The following FRMD4B variants were observed in gnomAD, a reference collection of about 807,000 sequenced individuals.
FRMD4B encodes FERM domain-containing protein 4B.
FRMD4B carries 74 observed loss-of-function variants against 141.5 expected under a neutral mutation model. That is an observed-to-expected ratio of 0.52 (90% CI 0.43 to 0.63). The LOEUF (loss-of-function observed/expected upper bound fraction) is 0.63, where lower values mean the gene tolerates loss of function less well. Ranked by LOEUF, FRMD4B falls within the 30% of genes least tolerant of loss-of-function variation. The pLI, the probability that FRMD4B is intolerant of heterozygous loss-of-function variation, is 0.00. For missense variants in FRMD4B, 1,366 were observed against 1,253.4 expected (o/e 1.09, Z -1.36); for synonymous variants, 506 against 467.9 (o/e 1.08, Z -1.05).
At chr3:69,305,419 A>G (rs1292131400) in intron 3 of FRMD4B, among the ~76,000 whole-genome samples, 1 of 152,262 alleles carries the variant, frequency 6.6e-6, no homozygotes, top group Non-Finnish European at 1.5e-5. Context: ...GTAAAACAAA[A>G]TAAGATAGGA....
At chr3:69,540,707 T>G (rs1344992482) in intron 1 of FRMD4B, among the ~76,000 whole-genome samples, 3 of 146,534 alleles carry the variant, frequency 2.0e-5, no homozygotes, top group Non-Finnish European at 4.5e-5. Flanking sequence ...GTTATTGTTA[T>G]TGTTATTATT....
intron 2 of FRMD4B, among the ~76,000 whole-genome samples, chr3:69,397,406 A>G (rs892433550): frequency 6.6e-6 from 1 of 152,176 alleles, no homozygotes; most frequent in East Asian, 1.9e-4. Flanking sequence ...GATAATGGGG[A>G]TAGTTGTGCA....
intron 1 of FRMD4B, among the ~76,000 whole-genome samples, chr3:69,520,514 G>A (rs1270875522): frequency 6.6e-6 from 1 of 151,388 alleles, no homozygotes; most frequent in African/African-American, 2.4e-5. Flanking sequence ...GCTACTCCCT[G>A]CCTCAGCTAT....
chr3:69,277,532 TTTTTTTTTTTTG>T (rs2093623479), intron 5 of FRMD4B, among the ~76,000 whole-genome samples: 1 of 135,162 alleles, frequency 7.4e-6, no homozygotes. Flanking sequence ...TTTTTTTTTT[TTTTTTTTTTTTG>T]AGATGGAGTG....
chr3:69,492,099 G>C (rs1315015025), intron 1 of FRMD4B, among the ~76,000 whole-genome samples: 1 of 152,146 alleles, frequency 6.6e-6, no homozygotes, highest in Non-Finnish European at 1.5e-5. Context: ...AGCTGAACCT[G>C]GCAATCAAGA....
chr3:69,387,666 G>T (rs572223279), upstream of FRMD4B, among the ~76,000 whole-genome samples: 3 of 152,134 alleles, frequency 2.0e-5, no homozygotes, highest in Non-Finnish European at 4.4e-5. Context: ...TTGATTTCAG[G>T]TATCAAATGT....
chr3:69,491,670 CCA>C (rs1292169492), intron 1 of FRMD4B, among the ~76,000 whole-genome samples: 1 of 152,180 alleles, frequency 6.6e-6, no homozygotes, highest in Non-Finnish European at 1.5e-5. Context: ...AACCTAAGCA[CCA>C]CACAGTCAAT....
chr3:69,368,906 T>TTC (rs1703747354), intron 1 of FRMD4B, among the ~76,000 whole-genome samples: 1 of 152,138 alleles, frequency 6.6e-6, no homozygotes, highest in African/African-American at 2.4e-5. Flanking sequence ...AGCAATTCTC[T>TTC]CACCTCGGCC....
At chr3:69,236,374 A>T (rs1575642447) in intron 7 of FRMD4B, among the ~76,000 whole-genome samples, 2 of 151,626 alleles carry the variant, frequency 1.3e-5, no homozygotes, top group Admixed American at 6.6e-5. Context: ...GACTATAGGC[A>T]CCTGCCACGA....
intron 1 of FRMD4B, among the ~76,000 whole-genome samples, chr3:69,373,915 G>A (rs1703900061): frequency 6.6e-6 from 1 of 152,130 alleles, no homozygotes; most frequent in Non-Finnish European, 1.5e-5. Context: ...AGATGAGCCA[G>A]GCAGCCTAGT....
chr3:69,347,171 G>A (rs977731787), intron 1 of FRMD4B, among the ~76,000 whole-genome samples: 43 of 152,124 alleles, frequency 2.8e-4, no homozygotes, highest in African/African-American at 1.0e-3. Context: ...AAAAAGGCAA[G>A]GGTTGCAATC....
At chr3:69,350,119 A>G (rs1703086551) in intron 1 of FRMD4B, among the ~76,000 whole-genome samples, 1 of 152,128 alleles carries the variant, frequency 6.6e-6, no homozygotes, top group African/African-American at 2.4e-5. Flanking sequence ...ACTCCAACAA[A>G]TTTACAAGAA....
At chr3:69,247,110 A>C (rs766147507) in intron 7 of FRMD4B, among the ~76,000 whole-genome samples, 21 of 152,202 alleles carry the variant, frequency 1.4e-4, no homozygotes, top group Non-Finnish European at 1.8e-4. Context: ...AATGAGGATA[A>C]TAATAACTAA....
At chr3:69,394,146 C>T (rs1164780075) in intron 2 of FRMD4B, among the ~76,000 whole-genome samples, 1 of 152,322 alleles carries the variant, frequency 6.6e-6, no homozygotes. Context: ...AGTACAAGAT[C>T]AAGGTGCTGG....
intron 1 of FRMD4B, among the ~76,000 whole-genome samples, chr3:69,440,899 A>G (rs1705332302): frequency 6.6e-6 from 1 of 152,254 alleles, no homozygotes; most frequent in African/African-American, 2.4e-5. Context: ...GTAAATACTC[A>G]ACATTTCATG....
intron 1 of FRMD4B, among the ~76,000 whole-genome samples, chr3:69,353,213 G>A (rs1157845567): frequency 2.0e-5 from 3 of 152,064 alleles, no homozygotes; most frequent in East Asian, 1.9e-4. Flanking sequence ...AGCCTTTCAC[G>A]ACCTTTAAAG....
intron 5 of FRMD4B, among the ~76,000 whole-genome samples, chr3:69,270,547 C>G (rs1036232056): frequency 6.6e-6 from 1 of 150,558 alleles, no homozygotes; most frequent in Non-Finnish European, 1.5e-5. Context: ...ATCAACCAAG[C>G]ATTTTCTTTT....
chr3:69,298,643 T>G (rs1701110916), intron 4 of FRMD4B, among the ~76,000 whole-genome samples: 1 of 152,222 alleles, frequency 6.6e-6, no homozygotes. Flanking sequence ...CCAACCTTTC[T>G]GTGCACCTGC....
At chr3:69,457,591 T>G (rs961057256) in intron 1 of FRMD4B, among the ~76,000 whole-genome samples, 3 of 152,212 alleles carry the variant, frequency 2.0e-5, no homozygotes, top group African/African-American at 7.2e-5. Context: ...AGTGTTAAAA[T>G]CTTGTGCCAC....
Sources: gnomAD v4.1 joint callset for allele counts (sites outside exome capture counted in the v4.1 genomes callset) on GRCh38, gnomAD v4.1.1 for gene constraint, MANE v1.5 for transcripts, NCBI Gene and HGNC (gene_info 2026-07-23, HGNC 2026-07-21) for gene names.